The following SDK1 variants were observed in gnomAD, a reference collection of about 807,000 sequenced individuals.
SDK1 encodes sidekick cell adhesion molecule 1.
A neutral mutation model predicts 245.5 loss-of-function variants in SDK1; 157 were observed. That is an observed-to-expected ratio of 0.64 (90% CI 0.56 to 0.73). SDK1 has a LOEUF of 0.73. Ranked by LOEUF, SDK1 falls within the 30% of genes least tolerant of loss-of-function variation. The probability of loss-of-function intolerance (pLI) is 0.00; values close to 1 mark genes in which losing one functional copy is unlikely to be tolerated. For missense variants in SDK1, 3,583 were observed against 3,002.3 expected (o/e 1.19, Z -4.52); for synonymous variants, 1,647 against 1,278.5 (o/e 1.29, Z -6.15).
At chr7:3,396,799 A>G (rs903509423) in intron 1 of SDK1, among the ~76,000 whole-genome samples, 1 of 151,594 alleles carries the variant, frequency 6.6e-6, no homozygotes, top group South Asian at 2.1e-4. Flanking sequence ...TTCTCAGTCT[A>G]TACTGTTAAT....
At chr7:3,892,165 G>T (rs1256469526) in intron 5 of SDK1, among the ~76,000 whole-genome samples, 1 of 152,100 alleles carries the variant, frequency 6.6e-6, no homozygotes, top group East Asian at 1.9e-4. Context: ...CATATTTCAG[G>T]TTTTTGTAAT....
intron 4 of SDK1, among the ~76,000 whole-genome samples, chr7:3,670,358 G>C (rs1266940220): frequency 6.6e-6 from 1 of 152,052 alleles, no homozygotes; most frequent in African/African-American, 2.4e-5. Flanking sequence ...AGCCACTTTG[G>C]TATATTGGTT....
At chr7:3,975,709 C>G (rs1341868503) in intron 13 of SDK1, among the ~76,000 whole-genome samples, 1 of 152,226 alleles carries the variant, frequency 6.6e-6, no homozygotes, top group African/African-American at 2.4e-5. Flanking sequence ...TCCGGAAGGC[C>G]CTGTGGTGTC....
At chr7:3,506,509 A>G (rs774235511) in intron 1 of SDK1, among the ~76,000 whole-genome samples, 4 of 152,138 alleles carry the variant, frequency 2.6e-5, no homozygotes, top group Non-Finnish European at 5.9e-5. Context: ...AATTTTTAAC[A>G]TTGTATTTTC....
At chr7:3,589,406 C>G (rs12055947) in intron 1 of SDK1, among the ~76,000 whole-genome samples, 1 of 152,002 alleles carries the variant, frequency 6.6e-6, no homozygotes, top group African/African-American at 2.4e-5. Context: ...AGACTCTTCC[C>G]GTGCACCAGC....
chr7:3,414,497 A>C (rs1009153731), intron 1 of SDK1, among the ~76,000 whole-genome samples: 4 of 152,196 alleles, frequency 2.6e-5, no homozygotes, highest in African/African-American at 9.7e-5. Flanking sequence ...TTTCTTTTAC[A>C]TGAATATCTA....
At chr7:3,316,764 C>T (rs1295616136) in intron 1 of SDK1, among the ~76,000 whole-genome samples, 3 of 152,216 alleles carry the variant, frequency 2.0e-5, no homozygotes, top group East Asian at 3.9e-4. Flanking sequence ...TTGCCCATCC[C>T]GAGGTTTGGA....
intron 5 of SDK1, among the ~76,000 whole-genome samples, chr7:3,886,820 G>T (rs1046686267): frequency 3.3e-5 from 5 of 152,150 alleles, no homozygotes; most frequent in South Asian, 2.1e-4. Context: ...GGAGGCTAAG[G>T]CAAGAGGATC....
chr7:4,131,958 A>G (rs767907937), intron 27 of SDK1, among the ~76,000 whole-genome samples: 1 of 152,146 alleles, frequency 6.6e-6, no homozygotes, highest in Non-Finnish European at 1.5e-5. Context: ...CCGAGCTCAG[A>G]TGAGGGAAAT....
At chr7:4,000,853 G>A (rs1381718290) in intron 14 of SDK1, among the ~76,000 whole-genome samples, 1 of 152,276 alleles carries the variant, frequency 6.6e-6, no homozygotes, top group East Asian at 1.9e-4. Context: ...CCCATGCATA[G>A]CATTTGTCCG....
chr7:3,497,196 T>C (rs1200825965), intron 1 of SDK1, among the ~76,000 whole-genome samples: 1 of 152,206 alleles, frequency 6.6e-6, no homozygotes, highest in Non-Finnish European at 1.5e-5. Flanking sequence ...ACAAGGCTGT[T>C]ACCACTCAGC....
intron 22 of SDK1, among the ~76,000 whole-genome samples, chr7:4,099,643 C>T (rs1429702028): frequency 2.9e-5 from 4 of 139,316 alleles, no homozygotes; most frequent in African/African-American, 8.0e-5. Context: ...GGAACTGGCT[C>T]ACCCTGGGAG....
At chr7:3,543,828 G>A (rs938803501) in intron 1 of SDK1, among the ~76,000 whole-genome samples, 54 of 152,144 alleles carry the variant, frequency 3.5e-4, no homozygotes, top group African/African-American at 1.1e-3. Flanking sequence ...AGTATGTAAT[G>A]AATATTAACT....
intron 4 of SDK1, among the ~76,000 whole-genome samples, chr7:3,729,834 C>G (rs982902215): frequency 5.3e-5 from 8 of 151,582 alleles, no homozygotes; most frequent in African/African-American, 1.9e-4. Flanking sequence ...CCGAGAAAAT[C>G]CTCGGTTCTC....
intron 1 of SDK1, among the ~76,000 whole-genome samples, chr7:3,341,770 G>A (rs73048618): frequency 1.3e-5 from 2 of 152,200 alleles, no homozygotes; most frequent in African/African-American, 4.8e-5. Flanking sequence ...CAAAACTGAT[G>A]AAACAAATCA....
intron 9 of SDK1, among the ~76,000 whole-genome samples, chr7:3,966,376 A>T (rs1485757913): frequency 6.6e-6 from 1 of 152,070 alleles, no homozygotes; most frequent in Non-Finnish European, 1.5e-5. Context: ...GACTTGAGAG[A>T]CACAGATCAC....
intron 1 of SDK1, among the ~76,000 whole-genome samples, chr7:3,454,388 TTGTGTGTGTGTGTGTGTGTG>T (rs60437983): frequency 3.5e-5 from 5 of 141,686 alleles, no homozygotes; most frequent in Non-Finnish European, 6.1e-5. Context: ...TCCCCAAGAT[TTGTGTGTGTGTGTGTGTGTG>T]TGTGTGTGTG....
At chr7:3,421,645 C>T (rs1013084747) in intron 1 of SDK1, among the ~76,000 whole-genome samples, 6 of 152,228 alleles carry the variant, frequency 3.9e-5, no homozygotes, top group African/African-American at 1.4e-4. Flanking sequence ...ATTGCGTGAG[C>T]GTCTACAGCT....
intron 1 of SDK1, among the ~76,000 whole-genome samples, chr7:3,558,252 A>G (rs567126433): frequency 2.6e-5 from 4 of 152,234 alleles, no homozygotes; most frequent in Non-Finnish European, 5.9e-5. Context: ...CATAGGATCA[A>G]AGGAGTTGCT....
Sources: gnomAD v4.1 joint callset for allele counts (sites outside exome capture counted in the v4.1 genomes callset) on GRCh38, gnomAD v4.1.1 for gene constraint, MANE v1.5 for transcripts, NCBI Gene and HGNC (gene_info 2026-07-23, HGNC 2026-07-21) for gene names.